Variants in TSC22D1 observed in about 807,000 individuals in gnomAD.
TSC22D1 encodes TSC22 domain family protein 1.
A neutral mutation model predicts 74.2 loss-of-function variants in TSC22D1; 9 were observed. The observed-to-expected ratio is 0.12, with a 90% CI of 0.07 to 0.21. The LOEUF is 0.21. TSC22D1 is among the 10% of genes least tolerant of loss of function. The probability of loss-of-function intolerance (pLI) is 1.00; values close to 1 mark genes in which losing one functional copy is unlikely to be tolerated. For missense variants in TSC22D1, 1,427 were observed against 1,304.7 expected (o/e 1.09, Z -1.44); for synonymous variants, 586 against 492.5 (o/e 1.19, Z -2.51).
chr13:44,439,532 T>G (rs559414194), intron 1 of TSC22D1, among the ~76,000 whole-genome samples: 10 of 152,346 alleles, frequency 6.6e-5, no homozygotes, highest in Admixed American at 3.3e-4. Flanking sequence ...GATCCATATG[T>G]CTGGTGCCTC....
At chr13:44,544,829 C>T in intron 1 of TSC22D1, among the ~76,000 whole-genome samples, 1 of 151,618 alleles carries the variant, frequency 6.6e-6, no homozygotes, top group Non-Finnish European at 1.5e-5. Flanking sequence ...AAAAGACAAC[C>T]AACAGATAAC....
intron 1 of TSC22D1, among the ~76,000 whole-genome samples, chr13:44,516,584 T>C (rs193166612): frequency 6.6e-6 from 1 of 152,182 alleles, no homozygotes; most frequent in East Asian, 1.9e-4. Flanking sequence ...ATATTCTTTT[T>C]ATGGGGGGAA....
intron 1 of TSC22D1, among the ~76,000 whole-genome samples, chr13:44,524,985 A>G (rs1028292461): frequency 6.6e-6 from 1 of 152,252 alleles, no homozygotes; most frequent in African/African-American, 2.4e-5. Flanking sequence ...TATCCTTAAC[A>G]AAGGACTGAC....
chr13:44,536,237 T>C (rs926157562), intron 1 of TSC22D1, among the ~76,000 whole-genome samples: 4 of 151,882 alleles, frequency 2.6e-5, no homozygotes, highest in African/African-American at 4.8e-5. Flanking sequence ...AATCCACCAA[T>C]TGTCATTAAT....
chr13:44,482,244 A>G (rs1878209134), intron 1 of TSC22D1, among the ~76,000 whole-genome samples: 1 of 152,192 alleles, frequency 6.6e-6, no homozygotes, highest in Non-Finnish European at 1.5e-5. Context: ...ATTGAGCTTT[A>G]GAGAGGTTAG....
intron 1 of TSC22D1, among the ~76,000 whole-genome samples, chr13:44,553,221 T>C (rs1882407732): frequency 6.6e-6 from 1 of 152,318 alleles, no homozygotes; most frequent in South Asian, 2.1e-4. Flanking sequence ...ATGAAAGAGT[T>C]GGATTTCAAT....
At chr13:44,449,286 CCACAGA>C (rs1875935615) in intron 1 of TSC22D1, among the ~76,000 whole-genome samples, 1 of 152,224 alleles carries the variant, frequency 6.6e-6, no homozygotes, top group Non-Finnish European at 1.5e-5. Context: ...AAGGGGCTCA[CCACAGA>C]CACAGAGCCA....
intron 1 of TSC22D1, among the ~76,000 whole-genome samples, chr13:44,522,109 G>C (rs1880344830): frequency 6.6e-6 from 1 of 152,174 alleles, no homozygotes; most frequent in Admixed American, 6.5e-5. Context: ...TAAATGTTTA[G>C]ATATAATGAC....
At chr13:44,517,572 C>G (rs189574433) in intron 1 of TSC22D1, among the ~76,000 whole-genome samples, 1 of 150,872 alleles carries the variant, frequency 6.6e-6, no homozygotes, top group Non-Finnish European at 1.5e-5. Flanking sequence ...GGGCCAGGTG[C>G]GGTGGCTTGC....
Position 44,574,517 on chromosome 13 carries a change from T to A in TSC22D1, c.1558A>T (p.Met520Leu). 6.2e-7 allele frequency: 1 copy of A among 1,614,126 alleles called. No individual in the cohort carries two copies. Among genetic ancestry groups the A allele is most frequent in the South Asian group, 1.1e-5 (1 of 91,082 alleles). ...PALQGVTLQQ[M>L]DFGSTGPQSI... ...TGTGGACCAGTGCTACCAAAATCCA[T>A]CTGTTGGAGGGTCACACCTTGGAGA... Residue 520 changes from methionine to leucine, a missense_variant, in exon 1 of 3, where the codon ATG becomes TTG. Transcript: ENST00000458659.
intron 1 of TSC22D1, among the ~76,000 whole-genome samples, chr13:44,532,164 G>A (rs1405590265): frequency 1.3e-5 from 2 of 152,200 alleles, no homozygotes; most frequent in Non-Finnish European, 2.9e-5. Context: ...TCAAGGTTGT[G>A]GCTGTAACAC....
At chr13:44,463,689 T>G (rs908194072) in intron 1 of TSC22D1, among the ~76,000 whole-genome samples, 1 of 152,190 alleles carries the variant, frequency 6.6e-6, no homozygotes, top group African/African-American at 2.4e-5. Flanking sequence ...GGCCATTTGC[T>G]CTAAAGATAT....
At chr13:44,476,481 T>A (rs1877917823) in intron 1 of TSC22D1, among the ~76,000 whole-genome samples, 1 of 152,254 alleles carries the variant, frequency 6.6e-6, no homozygotes, top group East Asian at 1.9e-4. Flanking sequence ...TGTGCTCTAT[T>A]TTAAAAAAAG....
At chr13:44,442,853 G>A (rs1314415599) in intron 1 of TSC22D1, among the ~76,000 whole-genome samples, 3 of 147,784 alleles carry the variant, frequency 2.0e-5, no homozygotes, top group Non-Finnish European at 4.4e-5. Flanking sequence ...AGGTTGGAGT[G>A]AGCCGAGATT....
intron 1 of TSC22D1, among the ~76,000 whole-genome samples, chr13:44,565,811 G>C (rs575402516): frequency 8.5e-5 from 13 of 152,126 alleles, no homozygotes; most frequent in South Asian, 2.1e-4. Flanking sequence ...TCCTATCTTG[G>C]CCTCCCAAAG....
intron 1 of TSC22D1, among the ~76,000 whole-genome samples, chr13:44,546,553 G>A (rs531801351): frequency 2.0e-5 from 3 of 152,278 alleles, no homozygotes; most frequent in African/African-American, 7.2e-5. Flanking sequence ...AGATTAAGGA[G>A]ATATGACAAC....
chr13:44,500,541 CAG>C (rs2137981746), intron 1 of TSC22D1, among the ~76,000 whole-genome samples: 1 of 152,322 alleles, frequency 6.6e-6, no homozygotes, highest in African/African-American at 2.4e-5. Context: ...GCCTAAATTT[CAG>C]AGATGAAAGA....
chr13:44,547,127 GA>G (rs1881878908), intron 1 of TSC22D1, among the ~76,000 whole-genome samples: 2 of 151,864 alleles, frequency 1.3e-5, no homozygotes, highest in Non-Finnish European at 2.9e-5. Context: ...TAAAAATATA[GA>G]ACAAAACATC....
intron 1 of TSC22D1, among the ~76,000 whole-genome samples, chr13:44,505,597 T>A (rs1879411283): frequency 6.6e-6 from 1 of 152,172 alleles, no homozygotes; most frequent in Admixed American, 6.5e-5. Flanking sequence ...TACAGTTTTT[T>A]AAAATCCAAA....
Sources: gnomAD v4.1 joint callset for allele counts (sites outside exome capture counted in the v4.1 genomes callset) on GRCh38, gnomAD v4.1.1 for gene constraint, MANE v1.5 for transcripts, NCBI Gene and HGNC (gene_info 2026-07-23, HGNC 2026-07-21) for gene names.